PGBD5: variants seen among roughly 807,000 people sequenced by gnomAD.
The protein encoded by PGBD5 is piggyBac transposable element derived 5.
PGBD5 carries 14 observed loss-of-function variants against 47.9 expected under a neutral mutation model. The observed-to-expected ratio is 0.29, with a 90% CI of 0.19 to 0.46. PGBD5 has a LOEUF of 0.46. PGBD5 is among the 20% of genes least tolerant of loss of function. The probability of loss-of-function intolerance (pLI) is 1.00; values close to 1 mark genes in which losing one functional copy is unlikely to be tolerated. For missense variants in PGBD5, 635 were observed against 716.0 expected (o/e 0.89, Z 1.29); for synonymous variants, 316 against 306.3 (o/e 1.03, Z -0.33).
intron 1 of PGBD5, among the ~76,000 whole-genome samples, chr1:230,372,479 C>T (rs1399492391): frequency 2.6e-5 from 4 of 152,302 alleles, no homozygotes; most frequent in Non-Finnish European, 4.4e-5. Context: ...AACGTCCCCC[C>T]GCCATCATCC....
In PGBD5 at chr1:230,407,418, G is replaced by GA. The variant is rs200364755; in HGVS notation, c.331+18179dup. Reference sequence around the variant, plus strand: ...AGTTCCTCCTGGAAACCATATTACGGAAAAAAAAACTGTTCCCTGAATTAA... The same window carrying GA: ...AGTTCCTCCTGGAAACCATATTACGGAAAAAAAAAACTGTTCCCTGAATTAA... On this transcript the variant is annotated intron_variant, in intron 1 of 6. Transcript: ENST00000391860. Among the ~76,000 whole-genome samples, 44 of 150,738 alleles carry GA rather than the reference G, an allele frequency of 2.9e-4. No homozygotes were observed. The South Asian group carries it at 8.0e-3, about 27-fold the overall frequency.
chr1:230,356,604 GTA>G (rs1340882867), intron 2 of PGBD5, among the ~76,000 whole-genome samples: 1 of 152,200 alleles, frequency 6.6e-6, no homozygotes, highest in Non-Finnish European at 1.5e-5. Flanking sequence ...CATTTGGAAA[GTA>G]TAATTAAAGA....
At chr1:230,330,732 G>T (rs1270387542) in intron 5 of PGBD5, among the ~76,000 whole-genome samples, 1 of 150,780 alleles carries the variant, frequency 6.6e-6, no homozygotes, top group Non-Finnish European at 1.5e-5. Context: ...CTGGGGAGGG[G>T]ACCAGGGTCC....
At chr1:230,376,762 G>A (rs1470962803) in intron 1 of PGBD5, among the ~76,000 whole-genome samples, 2 of 152,156 alleles carry the variant, frequency 1.3e-5, no homozygotes, top group African/African-American at 2.4e-5. Flanking sequence ...CAGAATAAAG[G>A]GGTTGGACTA....
Position 230,368,025 on chromosome 1 carries a change from C to G in PGBD5, c.332-10704G>C, listed in dbSNP as rs764295489. ...CTCTTCCCCACGCCACACCACACCC[C>G]ACATAGGCAGGAATGAATACTCCCT... On this transcript the variant is annotated intron_variant, in intron 1 of 6. Coordinates refer to ENST00000391860, the MANE Select transcript of PGBD5 (RefSeq NM_001258311.2). 9 of 1,367,918 alleles carry G rather than the reference C, an allele frequency of 6.6e-6. No individual in the cohort carries two copies. In the Admixed American group the frequency reaches 1.7e-4, roughly 26 times the overall value. 84.7% of individuals were successfully genotyped at this position (1,367,918 alleles called of 1,614,324 possible). A position where few individuals can be genotyped will look rare whatever the true frequency, so the allele number is the denominator to read the frequency against.
chr1:230,399,699 A>AC (rs1214677235), intron 1 of PGBD5, among the ~76,000 whole-genome samples: 1 of 151,844 alleles, frequency 6.6e-6, no homozygotes, highest in East Asian at 1.9e-4. Context: ...TGGCTGAAGG[A>AC]CCCCCGCAGA....
At chr1:230,373,203 C>T (rs1409791943) in intron 1 of PGBD5, among the ~76,000 whole-genome samples, 1 of 152,204 alleles carries the variant, frequency 6.6e-6, no homozygotes, top group African/African-American at 2.4e-5. Flanking sequence ...TCCAAAACCA[C>T]TCTGTGCAGG....
At position 230,375,401 on chromosome 1, in the gene PGBD5, G is replaced by T. The variant is rs186797242; in HGVS notation, c.332-18080C>A. ...AGATGAGTTGCTGGTGGAGGGCGGTGGGGGGACAGCAGCTAAATGCCAGAC... is the reference window on the plus strand; with the variant it reads ...AGATGAGTTGCTGGTGGAGGGCGGTTGGGGGACAGCAGCTAAATGCCAGAC... On this transcript the variant is annotated intron_variant, in intron 1 of 6. Transcript: ENST00000391860. Among the ~76,000 whole-genome samples the T allele has an allele frequency of 6.6e-5, 10 of 152,182 alleles. No individual in the cohort carries two copies. In the East Asian group the frequency reaches 1.4e-3, roughly 21 times the overall value.
chr1:230,367,967 T>C, intron 1 of PGBD5: 1 of 1,366,422 alleles, frequency 7.3e-7, no homozygotes, highest in Non-Finnish European at 9.8e-7. Context: ...GAGCTCAAGG[T>C]CCTGCAAGCT....
intron 1 of PGBD5, among the ~76,000 whole-genome samples, chr1:230,372,946 T>C (rs1322894478): frequency 1.3e-5 from 2 of 152,154 alleles, no homozygotes; most frequent in Admixed American, 1.3e-4. Context: ...AGTCTAACTC[T>C]GCAGCTCTGC....
chr1:230,332,856 G>C lies in PGBD5; in HGVS notation c.1261C>G (p.Pro421Ala), dbSNP rs1439118890. The change falls in exon 5 of 7, where the codon CCG becomes GCG. Residue 421 changes from proline to alanine, a missense_variant. Physicochemically the swap from Pro to Ala is conservative, Grantham distance 27. Coordinates refer to ENST00000391860, the MANE Select transcript of PGBD5 (RefSeq NM_001258311.2). ...HFRFLTNAYSPVQQGVIIKRK... is the reference protein window; with the variant it reads ...HFRFLTNAYSAVQQGVIIKRK... ...GACCCGCACTCACCCTGCTGCACCG[G>C]GGAGTAGGCGTTGGTCAGGAAGCGG... 1 of 1,614,210 alleles carries C rather than the reference G, an allele frequency of 6.2e-7. No individual in the cohort carries two copies. The highest frequency in any genetic ancestry group is 1.1e-5 in the South Asian group (1 of 91,082).
chr1:230,325,501 G>C (rs1667101920), intron 5 of PGBD5, 86 bp from the exon 6 acceptor site: 2 of 927,064 alleles, frequency 2.2e-6, no homozygotes, highest in Non-Finnish European at 3.4e-6. Flanking sequence ...GTCCAGCTTA[G>C]CTGCTCCCAA....
In PGBD5 at chr1:230,364,115, CT is replaced by C. The variant is rs140178583; in HGVS notation, c.332-6795del. ...AAAGACTTTTTCCCTTGCTCAATCT[CT>C]TTGTTCACAACTAAGTGACCAAAGT... On this transcript the variant is annotated intron_variant, in intron 1 of 6. Coordinates refer to ENST00000391860, the MANE Select transcript of PGBD5 (RefSeq NM_001258311.2). 9.9e-3 allele frequency among the ~76,000 whole-genome samples: 1,512 copies of C among 152,336 alleles called. 12 individuals carry two copies. Among genetic ancestry groups the C allele is most frequent in the Admixed American group, 0.015 (233 of 15,296 alleles).
chr1:230,399,964 A>C (rs1284920457), intron 1 of PGBD5, among the ~76,000 whole-genome samples: 1 of 152,170 alleles, frequency 6.6e-6, no homozygotes, highest in African/African-American at 2.4e-5. Context: ...GTCTGTTCTC[A>C]ACCTGGCACT....
At chr1:230,383,203 G>A (rs914786884) in intron 1 of PGBD5, among the ~76,000 whole-genome samples, 1 of 151,968 alleles carries the variant, frequency 6.6e-6, no homozygotes, top group Non-Finnish European at 1.5e-5. Context: ...CAGAGTAGCT[G>A]GGACCATAAG....
intron 1 of PGBD5, among the ~76,000 whole-genome samples, chr1:230,375,388 G>T (rs1667995301): frequency 6.6e-6 from 1 of 152,164 alleles, no homozygotes; most frequent in Non-Finnish European, 1.5e-5. Context: ...ATGAGTTGCT[G>T]GTGGAGGGCG....
intron 4 of PGBD5, among the ~76,000 whole-genome samples, chr1:230,334,311 T>G (rs1667268250): frequency 6.6e-6 from 1 of 152,124 alleles, no homozygotes; most frequent in Admixed American, 6.5e-5. Flanking sequence ...AAGGAGAATC[T>G]GTTCTTAGAA....
At chr1:230,362,256 T>C in intron 1 of PGBD5, 2 of 1,363,222 alleles carry the variant, frequency 1.5e-6, no homozygotes, top group Non-Finnish European at 9.8e-7. Flanking sequence ...TTTAGCTTCC[T>C]CTACCAGCTC....
rs1250543793 is a variant in PGBD5 at position 230,316,536 on chromosome 1, TA to T, written c.*6888del. Reference sequence around the variant, plus strand: ...CGCTCAAGGGGGAAACTAGAAGTTTTAAAAAGACAGGAAAGTCTAGAGAAAG... The same window carrying T: ...CGCTCAAGGGGGAAACTAGAAGTTTTAAAAGACAGGAAAGTCTAGAGAAAG... On this transcript the variant is annotated 3_prime_UTR_variant, in exon 7 of 7. Coordinates refer to ENST00000391860, the MANE Select transcript of PGBD5 (RefSeq NM_001258311.2). 2.0e-5 allele frequency: 3 copies of T among 152,166 alleles called. No homozygotes were observed. Among genetic ancestry groups the T allele is most frequent in the African/African-American group, 7.2e-5 (3 of 41,438 alleles). 9.4% of individuals were successfully genotyped at this position (152,166 alleles called of 1,614,324 possible). A position where few individuals can be genotyped will look rare whatever the true frequency, so the allele number is the denominator to read the frequency against.
Sources: allele counts gnomAD v4.1 joint callset (sites outside exome capture counted in the v4.1 genomes callset), GRCh38; gene constraint gnomAD v4.1.1; transcripts MANE v1.5; gene names NCBI Gene and HGNC (gene_info 2026-07-23, HGNC 2026-07-21).